ZNF469: variants seen among roughly 807,000 people sequenced by gnomAD.
ZNF469 encodes the protein zinc finger protein 469.
A neutral mutation model predicts 1.0 loss-of-function variants in ZNF469; 1 was observed. The observed-to-expected ratio is 1.00, with a 90% CI of 0.35 to 4.73. ZNF469 has a LOEUF of 4.73. Among genes scored for constraint, ZNF469 ranks in the 30% most tolerant of loss-of-function variants. ZNF469 has a pLI of 0.16. For missense variants in ZNF469, 6,100 were observed against 5,356.3 expected, an observed-to-expected ratio of 1.14 and a Z score of -4.33; for synonymous variants, 2,703 against 2,363.4, an observed-to-expected ratio of 1.14 and a Z score of -4.17.
the ZNF469 span, among the ~76,000 whole-genome samples, chr16:88,113,148 G>C: frequency 1.3e-5 from 2 of 152,154 alleles, no homozygotes; most frequent in African/African-American, 4.8e-5. Flanking sequence ...CTGTGCGTGG[G>C]GGCATTGCTT....
chr16:88,157,247 T>A, the ZNF469 span, among the ~76,000 whole-genome samples: 4 of 151,842 alleles, frequency 2.6e-5, no homozygotes, highest in Admixed American at 6.6e-5. Flanking sequence ...AGGCCTGCTG[T>A]CTCAGTGCTC....
chr16:88,227,256 G>A, the ZNF469 span, among the ~76,000 whole-genome samples: 1 of 152,200 alleles, frequency 6.6e-6, no homozygotes, highest in African/African-American at 2.4e-5. Context: ...TGTTCCCACT[G>A]TCTCCCCAGG....
the ZNF469 span, among the ~76,000 whole-genome samples, chr16:88,312,699 G>A: frequency 2.6e-5 from 4 of 152,034 alleles, no homozygotes; most frequent in Admixed American, 1.3e-4. Context: ...AGGGAGAGAC[G>A]CCATTTTTCC....
At chr16:88,141,287 A>C in the ZNF469 span, among the ~76,000 whole-genome samples, 9,844 of 152,126 alleles carry the variant, frequency 0.065, 1,086 homozygotes, top group African/African-American at 0.23. Flanking sequence ...GCAGTTGTGT[A>C]ACAAAAGACA....
At chr16:88,412,801 A>T (rs1208138368) in intron 1 of ZNF469, among the ~76,000 whole-genome samples, 1 of 152,212 alleles carries the variant, frequency 6.6e-6, no homozygotes, top group Non-Finnish European at 1.5e-5. Flanking sequence ...TTCGGCCCAC[A>T]TAGTAGTTAC....
the ZNF469 span, among the ~76,000 whole-genome samples, chr16:88,277,556 C>A: frequency 6.6e-6 from 1 of 151,410 alleles, no homozygotes; most frequent in African/African-American, 2.4e-5. Flanking sequence ...GACACTCGGT[C>A]AGTACCGTGT....
chr16:88,153,605 C>G, the ZNF469 span, among the ~76,000 whole-genome samples: 2 of 152,228 alleles, frequency 1.3e-5, no homozygotes, highest in Non-Finnish European at 2.9e-5. Flanking sequence ...AGCAGGGTCG[C>G]TGACTGTGGA....
Position 88,429,922 on chromosome 16 carries a change from C to T in ZNF469, c.2452C>T (p.Pro818Ser). The T allele has an allele frequency of 6.5e-7, 1 of 1,550,292 alleles. No individual in the cohort carries two copies. The highest frequency in any genetic ancestry group is 1.2e-5 in the South Asian group (1 of 84,062). ...KDDPLRTGFL[P>S]SLAATPFPLP... Reference sequence around the variant, plus strand: ...CGACCCCCTGAGGACAGGCTTCCTGCCCAGCCTGGCCGCCACCCCCTTCCC... The same window carrying T: ...CGACCCCCTGAGGACAGGCTTCCTGTCCAGCCTGGCCGCCACCCCCTTCCC... Residue 818 changes from proline to serine, a missense_variant, in exon 3 of 3, where the codon CCC (proline) becomes TCC (serine). Coordinates refer to ENST00000565624, the MANE Select transcript of ZNF469 (RefSeq NM_001367624.2).
At chr16:88,247,367 AAT>A in the ZNF469 span, among the ~76,000 whole-genome samples, 2 of 90,428 alleles carry the variant, frequency 2.2e-5, no homozygotes, top group African/African-American at 1.6e-4. Context: ...TGAGTGAATG[AAT>A]GAGTGAGTGA....
At chr16:88,183,947 C>T in the ZNF469 span, among the ~76,000 whole-genome samples, 1 of 152,062 alleles carries the variant, frequency 6.6e-6, no homozygotes, top group Admixed American at 6.5e-5. Context: ...GAGCCACTCG[C>T]GTCTTCCTGG....
intron 1 of ZNF469, among the ~76,000 whole-genome samples, chr16:88,412,183 C>T (rs1408509565): frequency 6.6e-6 from 1 of 152,212 alleles, no homozygotes. Flanking sequence ...CGTCCCAGGC[C>T]CACCCTGCTC....
At chr16:88,208,779 G>GCA in the ZNF469 span, among the ~76,000 whole-genome samples, 1,214 of 133,756 alleles carry the variant, frequency 9.1e-3, 20 homozygotes, top group African/African-American at 0.032. Context: ...GCGTGCGCGC[G>GCA]CACACACACA....
the ZNF469 span, among the ~76,000 whole-genome samples, chr16:88,272,728 G>T: frequency 6.6e-6 from 1 of 151,540 alleles, no homozygotes; most frequent in East Asian, 2.0e-4. Flanking sequence ...ATGGATAGAC[G>T]AGTGGACGGA....
the ZNF469 span, among the ~76,000 whole-genome samples, chr16:88,218,636 C>G: frequency 1.3e-5 from 2 of 149,850 alleles, no homozygotes; most frequent in Middle Eastern, 3.4e-3. Flanking sequence ...TAAGAGCTAT[C>G]TATGACAAAC....
chr16:88,197,405 T>C, the ZNF469 span, among the ~76,000 whole-genome samples: 1 of 152,218 alleles, frequency 6.6e-6, no homozygotes, highest in Non-Finnish European at 1.5e-5. Context: ...ATTTCTATTC[T>C]CAGTGCTGGA....
the ZNF469 span, among the ~76,000 whole-genome samples, chr16:88,149,648 C>A: frequency 7.9e-5 from 12 of 152,284 alleles, no homozygotes; most frequent in African/African-American, 2.9e-4. Flanking sequence ...ACCCCCCGCA[C>A]CCCCAGCAGC....
the ZNF469 span, among the ~76,000 whole-genome samples, chr16:88,114,419 A>ACACT: frequency 9.3e-4 from 85 of 91,238 alleles, no homozygotes; most frequent in African/African-American, 3.2e-3. Context: ...GACAGGGACC[A>ACACT]CACTCACTGC....
the ZNF469 span, among the ~76,000 whole-genome samples, chr16:88,244,557 A>G: frequency 6.7e-6 from 1 of 149,756 alleles, no homozygotes; most frequent in African/African-American, 2.5e-5. Context: ...GCATGGCTGG[A>G]TGGGTGGATG....
At chr16:88,344,820 C>T in the ZNF469 span, among the ~76,000 whole-genome samples, 14 of 152,206 alleles carry the variant, frequency 9.2e-5, no homozygotes, top group Non-Finnish European at 2.1e-4. Context: ...GGGTCGGAAC[C>T]CGAGTCTCCT....
Sources: gnomAD v4.1 joint callset for allele counts (sites outside exome capture counted in the v4.1 genomes callset) on GRCh38, gnomAD v4.1.1 for gene constraint, MANE v1.5 for transcripts, NCBI Gene and HGNC (gene_info 2026-07-23, HGNC 2026-07-21) for gene names.